Variants in ALG13 observed in about 807,000 individuals in gnomAD.
The protein encoded by ALG13 is UDP-N-acetylglucosamine transferase subunit ALG13.
In ALG13, 11 loss-of-function variants were observed where a neutral mutation model predicts 87.8. The ratio of observed to expected loss-of-function variants is 0.13; its 90% CI spans 0.08 to 0.21. The LOEUF is 0.21. Ranked by LOEUF, ALG13 falls within the 10% of genes least tolerant of loss-of-function variation. ALG13 has a pLI of 1.00. For synonymous variants in ALG13, 320 were observed against 306.3 expected, an observed-to-expected ratio of 1.04 and a Z score of -0.47; for missense variants, 756 against 866.1, an observed-to-expected ratio of 0.87 and a Z score of 1.60.
intron 3 of ALG13, among the ~76,000 whole-genome samples, chrX:111,701,285 G>A (rs747068373): frequency 8.9e-6 from 1 of 112,033 alleles, no homozygotes; most frequent in African/African-American, 3.2e-5. Flanking sequence ...AGAAGGATTG[G>A]TACTGGTTCT....
At chrX:111,690,313 TGAAA>T in intron 3 of ALG13, 1 of 751,954 alleles carries the variant, frequency 1.3e-6, no homozygotes, top group African/African-American at 2.3e-5. Flanking sequence ...GATAAGGAAA[TGAAA>T]GAGAGTTTAG....
rs769111546 is a variant in ALG13, at chrX:111,728,194, G to C, written c.2257G>C (p.Gly753Arg). Residue 753 changes from glycine to arginine, a missense_variant, in exon 19 of 27, where the codon GGT becomes CGT. Gly to Arg is a moderately radical substitution (Grantham distance 125). Coordinates refer to ENST00000394780, the MANE Select transcript of ALG13 (RefSeq NM_001099922.3). ...TGTCTCTCTGATACAGAATCATGGA[G>C]GTCCCTCTACAATGGTTCCTGCTAC... is the stretch of plus-strand genomic sequence containing the variant. ...TAYPTLPNHG[G>R]PSTMVPATSG... is the part of the protein sequence containing the mutation. 8.3e-7 allele frequency: 1 copy of C among 1,211,065 alleles called. No individual in the cohort carries two copies. The highest frequency in any genetic ancestry group is 2.2e-5 in the Admixed American group (1 of 46,027).
At chrX:111,751,732 A>C (rs2148464989) in intron 24 of ALG13, among the ~76,000 whole-genome samples, 1 of 111,811 alleles carries the variant, frequency 8.9e-6, no homozygotes, top group Non-Finnish European at 1.9e-5. Context: ...TTTAAAAAAA[A>C]ATGGCAATAA....
chrX:111,700,405 G>C (rs1937616546), intron 3 of ALG13, among the ~76,000 whole-genome samples: 1 of 110,588 alleles, frequency 9.0e-6, no homozygotes, highest in Non-Finnish European at 1.9e-5. Context: ...TTTGTATGTT[G>C]AATAGAAGTG....
chrX:111,744,628 T>C (rs372629645), intron 23 of ALG13, 40 bp from the exon 24 acceptor site: 25 of 1,148,931 alleles, frequency 2.2e-5, no homozygotes, highest in Middle Eastern at 2.3e-4. Flanking sequence ...TAAGGTGTTA[T>C]AGTTGTGTAT....
At position 111,681,210 on chromosome X, in the gene ALG13, A is replaced by C. The variant is rs374253660; in HGVS notation, c.-9A>C. ...GGCCCTTGCGATCAGGGCTTGAGGA[A>C]CCCGCGCCATGAAGTGCGTGTTTGT... On this transcript the variant is annotated 5_prime_UTR_variant, in exon 1 of 27. Transcript: ENST00000394780. 6 of 1,207,841 alleles carry C rather than the reference A, an allele frequency of 5.0e-6. No homozygotes were observed. In the South Asian group the frequency reaches 1.1e-4, roughly 21 times the overall value.
rs1160996110 is a variant in ALG13, at chrX:111,724,343, TG to T, written c.1601+446del. ...TTCAGTAAGTCTGAGGTGGGGCCCA[TG>T]AATTTTAATTTTGGACAAGTTTCCA... On this transcript the variant is annotated intron_variant, in intron 14 of 26. Coordinates refer to ENST00000394780, the MANE Select transcript of ALG13 (RefSeq NM_001099922.3). Among the ~76,000 whole-genome samples, 2 of 111,783 alleles carry T rather than the reference TG, an allele frequency of 1.8e-5. 1 individual carries two copies. Among genetic ancestry groups the T allele is most frequent in the African/African-American group, 6.5e-5 (2 of 30,692 alleles).
Position 111,682,305 on chromosome X carries a change from C to T in ALG13, c.244+11C>T. The T allele has an allele frequency of 8.7e-7, 1 of 1,147,823 alleles. No homozygotes were observed. The highest frequency in any genetic ancestry group is 3.1e-5 in the East Asian group (1 of 32,437). 94.6% of individuals were successfully genotyped at this position (1,147,823 alleles called of 1,213,427 possible). Reference sequence around the variant, plus strand: ...TTATTAGTCACGCAGGTAAAGGTGCCTAAGAATCTCAGGGTTGGGTCTTTT... The same window carrying T: ...TTATTAGTCACGCAGGTAAAGGTGCTTAAGAATCTCAGGGTTGGGTCTTTT... On this transcript the variant is annotated intron_variant, in intron 2 of 26. Coordinates refer to ENST00000394780, the MANE Select transcript of ALG13 (RefSeq NM_001099922.3).
intron 23 of ALG13, chrX:111,743,858 G>A: frequency 9.1e-6 from 1 of 110,222 alleles, no homozygotes; most frequent in South Asian, 3.9e-4. Context: ...ATTTAAGCTG[G>A]CTAAAATTAT....
At chrX:111,732,548 G>C (rs1942810638) in intron 21 of ALG13, among the ~76,000 whole-genome samples, 1 of 111,554 alleles carries the variant, frequency 9.0e-6, no homozygotes, top group South Asian at 3.8e-4. Flanking sequence ...TGACATTTCT[G>C]GTCATATTTT....
intron 22 of ALG13, among the ~76,000 whole-genome samples, chrX:111,736,125 A>G (rs1181373732): frequency 9.0e-6 from 1 of 111,146 alleles, no homozygotes; most frequent in Admixed American, 9.6e-5. Flanking sequence ...GCAACATGAC[A>G]AAACTGTCTC....
chrX:111,688,682 T>C (rs761114329), intron 3 of ALG13: 1 of 749,055 alleles, frequency 1.3e-6, no homozygotes, highest in African/African-American at 2.3e-5. Flanking sequence ...CTATTGTTTT[T>C]TAAGGATCTC....
intron 22 of ALG13, 133 bp downstream of exon 22, chrX:111,735,255 G>A (rs183169253): frequency 1.6e-5 from 7 of 431,017 alleles, no homozygotes; most frequent in African/African-American, 7.6e-5. Flanking sequence ...ACCTTCTGGT[G>A]TCTGACACAG....
chrX:111,723,045 C>G (rs183414604), intron 13 of ALG13, among the ~76,000 whole-genome samples, 188 bp downstream of exon 13: 34 of 111,283 alleles, frequency 3.1e-4, no homozygotes, highest in African/African-American at 1.1e-3. Context: ...GCCTCGAACT[C>G]CTGGGCTCAA....
intron 23 of ALG13, among the ~76,000 whole-genome samples, chrX:111,743,089 T>C (rs1943904980): frequency 8.9e-6 from 1 of 112,095 alleles, no homozygotes; most frequent in Non-Finnish European, 1.9e-5. Flanking sequence ...GTGTCTACTC[T>C]TGATTCTTTC....
At chrX:111,703,291 A>G (rs1418033245) in intron 3 of ALG13, among the ~76,000 whole-genome samples, 1 of 110,873 alleles carries the variant, frequency 9.0e-6, no homozygotes, top group African/African-American at 3.3e-5. Flanking sequence ...TTCCTAGATT[A>G]ATAATCTAAT....
chrX:111,729,820 A>T, intron 19 of ALG13, among the ~76,000 whole-genome samples: 1 of 112,174 alleles, frequency 8.9e-6, no homozygotes, highest in Non-Finnish European at 1.9e-5. Context: ...ACAGATTGAA[A>T]AACAGATGAG....
Position 111,712,677 on chromosome X carries a change from T to G in ALG13, c.932+147T>G, listed in dbSNP as rs1939977476. 5 of 334,899 alleles carry G rather than the reference T, an allele frequency of 1.5e-5. No individual in the cohort carries two copies. In the South Asian group the frequency reaches 4.8e-4, roughly 32 times the overall value. The allele number at this position is 334,899 out of a possible 1,213,427, so 27.6% of individuals were successfully genotyped here. On this transcript the variant is annotated intron_variant, in intron 7 of 26. Transcript: ENST00000394780. ...AAGCTAAGAAAAAGTGTTAAAATATTTTAAATGGTTGAAAAGTCAAAAGAA... is the reference window on the plus strand; with the variant it reads ...AAGCTAAGAAAAAGTGTTAAAATATGTTAAATGGTTGAAAAGTCAAAAGAA...
At chrX:111,722,402 T>C (rs1351686544) in intron 12 of ALG13, among the ~76,000 whole-genome samples, 4 of 111,950 alleles carry the variant, frequency 3.6e-5, no homozygotes, top group Admixed American at 9.5e-5. Context: ...CCTTGAACCC[T>C]GGTAAACCTA....
Sources: gnomAD v4.1 joint callset for allele counts (sites outside exome capture counted in the v4.1 genomes callset) on GRCh38, gnomAD v4.1.1 for gene constraint, MANE v1.5 for transcripts, NCBI Gene and HGNC (gene_info 2026-07-23, HGNC 2026-07-21) for gene names.